Variants in FHIP1A observed in about 807,000 individuals in gnomAD.
FHIP1A encodes the protein FHF complex subunit HOOK-interacting protein 1A.
FHIP1A carries 61 observed loss-of-function variants against 88.6 expected under a neutral mutation model. The ratio of observed to expected loss-of-function variants is 0.69; its 90% confidence interval spans 0.56 to 0.85. FHIP1A has a LOEUF of 0.85. Among genes scored for constraint, FHIP1A ranks in the 40% least tolerant of loss-of-function variants. FHIP1A has a pLI of 0.00. For missense variants in FHIP1A, 1,154 were observed against 1,273.5 expected (o/e 0.91, Z 1.43); for synonymous variants, 478 against 496.0 (o/e 0.96, Z 0.48).
At chr4:151,530,863 T>C (rs779161894) in intron 3 of FHIP1A, among the ~76,000 whole-genome samples, 31 of 152,304 alleles carry the variant, frequency 2.0e-4, no homozygotes, top group Non-Finnish European at 3.5e-4. Flanking sequence ...GCATAGTGCA[T>C]GGCATATGGT....
At chr4:151,550,033 T>C (rs1732664709) in intron 3 of FHIP1A, among the ~76,000 whole-genome samples, 1 of 152,182 alleles carries the variant, frequency 6.6e-6, no homozygotes, top group African/African-American at 2.4e-5. Context: ...GACAGGATGA[T>C]TTTTCTTGTT....
At chr4:151,612,108 C>T (rs141306311) in intron 7 of FHIP1A, among the ~76,000 whole-genome samples, 1 of 152,278 alleles carries the variant, frequency 6.6e-6, no homozygotes. Flanking sequence ...CTTGCTTATG[C>T]TCACATCATG....
intron 3 of FHIP1A, among the ~76,000 whole-genome samples, chr4:151,543,729 T>G (rs996266281): frequency 3.3e-5 from 5 of 152,250 alleles, no homozygotes; most frequent in Non-Finnish European, 5.9e-5. Context: ...TTAAATAATC[T>G]AAGTCACCAT....
chr4:151,423,231 G>A (rs1297307573), intron 1 of FHIP1A, among the ~76,000 whole-genome samples: 1 of 152,052 alleles, frequency 6.6e-6, no homozygotes, highest in Non-Finnish European at 1.5e-5. Flanking sequence ...TAGTCTTCAG[G>A]CTGCCAGTAG....
intron 7 of FHIP1A, among the ~76,000 whole-genome samples, chr4:151,610,022 G>GT (rs1187321838): frequency 2.0e-5 from 3 of 152,214 alleles, no homozygotes; most frequent in Non-Finnish European, 2.9e-5. Context: ...TAGTGAGTAA[G>GT]TTTTTTGTGA....
chr4:151,471,815 T>C (rs1229409935), intron 2 of FHIP1A, among the ~76,000 whole-genome samples: 7 of 152,190 alleles, frequency 4.6e-5, no homozygotes, highest in Admixed American at 2.0e-4. Flanking sequence ...GTCATTCTTA[T>C]GCCTTTGCAT....
chr4:151,630,361 C>T (rs1736110017), intron 8 of FHIP1A, among the ~76,000 whole-genome samples: 1 of 152,124 alleles, frequency 6.6e-6, no homozygotes, highest in Non-Finnish European at 1.5e-5. Flanking sequence ...AAATACTCCT[C>T]CCCAAAGGCT....
intron 9 of FHIP1A, among the ~76,000 whole-genome samples, chr4:151,645,363 T>C (rs950633391): frequency 6.6e-6 from 1 of 152,132 alleles, no homozygotes; most frequent in Non-Finnish European, 1.5e-5. Flanking sequence ...ATGGAATCTT[T>C]CTTTCCTCTC....
intron 7 of FHIP1A, among the ~76,000 whole-genome samples, chr4:151,605,335 G>C (rs993002697): frequency 2.6e-5 from 4 of 152,182 alleles, no homozygotes; most frequent in African/African-American, 9.7e-5. Flanking sequence ...TAGAGGTAGA[G>C]ACATCGAGGT....
In FHIP1A at chr4:151,656,196, C is replaced by A. The variant is rs1737226088; in HGVS notation, c.2552-36C>A. 3 of 1,529,708 alleles carry A rather than the reference C, an allele frequency of 2.0e-6. No homozygotes were observed. The highest frequency in any genetic ancestry group is 2.7e-6 in the Non-Finnish European group (3 of 1,128,768). 94.8% of individuals were successfully genotyped at this position (1,529,708 alleles called of 1,614,324 possible). ...TGTCAGGGAAAGGCATCCCTGTGAGCCCAGCCAGCCCTGAAGCCTTGTGTT... is the reference window on the plus strand; with the variant it reads ...TGTCAGGGAAAGGCATCCCTGTGAGACCAGCCAGCCCTGAAGCCTTGTGTT... On this transcript the variant is annotated intron_variant, in intron 11 of 13. Coordinates refer to ENST00000435205, the MANE Select transcript of FHIP1A (RefSeq NM_001109977.3). The surrounding 1 kb of genome is among the most constrained non-coding windows in gnomAD (Gnocchi z 4.2).
In FHIP1A at chr4:151,665,552, T is replaced by G. The variant is rs1737629807; in HGVS notation, c.*2798T>G. 6.6e-6 allele frequency among the ~76,000 whole-genome samples: 1 copy of G among 152,004 alleles called. No homozygotes were observed. Among genetic ancestry groups the G allele is most frequent in the South Asian group, 2.1e-4 (1 of 4,826 alleles). ...GGTGAAATAACTGAGAGTGGGTTAT[T>G]TAGGGAGTGACGTGGACATGCCAAA... On this transcript the variant is annotated 3_prime_UTR_variant, in exon 14 of 14. Transcript: ENST00000435205.
At position 151,656,309 on chromosome 4, in the gene FHIP1A, G is replaced by A. The variant is rs374875548; in HGVS notation, c.2629G>A (p.Gly877Arg). ...NSLHVNLLLI[G>R]IITQLASYPQ... ...TTTACATGTTAATTTGCTGCTTATC[G>A]GGATCATTACTCAGCTAGCCAGCTA... The change falls in exon 12 of 14, where the codon GGG (glycine) becomes AGG (arginine). Residue 877 changes from glycine (G) to arginine (R), a missense_variant. Transcript: ENST00000435205. This position sits in a 1 kb window ranked among gnomAD's most constrained non-coding sequence, Gnocchi z 4.2. 109 of 1,551,418 alleles carry A rather than the reference G, an allele frequency of 7.0e-5. No individual in the cohort carries two copies. The highest frequency in any genetic ancestry group is 8.9e-5 in the Non-Finnish European group (102 of 1,146,970).
In FHIP1A at chr4:151,506,705, C is replaced by T. The variant is rs1411174437; in HGVS notation, c.-123+24057C>T. ...GGCACCAAGCCCTTCATCAAGGATC[C>T]ACCCTCATGATCCAAGCATCCCCCA... On this transcript the variant is annotated intron_variant, in intron 3 of 13. Transcript: ENST00000435205. 2.6e-5 allele frequency among the ~76,000 whole-genome samples: 4 copies of T among 152,020 alleles called. No individual in the cohort carries two copies. The South Asian group carries it at 6.2e-4, about 24-fold the overall frequency.
At chr4:151,445,868 A>G (rs987867198) in intron 1 of FHIP1A, among the ~76,000 whole-genome samples, 3 of 141,620 alleles carry the variant, frequency 2.1e-5, no homozygotes, top group African/African-American at 5.3e-5. Flanking sequence ...ATATATATAT[A>G]TATATTTCAT....
intron 3 of FHIP1A, among the ~76,000 whole-genome samples, chr4:151,530,112 A>T (rs1580673981): frequency 6.6e-6 from 1 of 152,178 alleles, no homozygotes; most frequent in Non-Finnish European, 1.5e-5. Context: ...TCTGGAGTCA[A>T]TACTGTCCTC....
intron 3 of FHIP1A, among the ~76,000 whole-genome samples, chr4:151,550,634 T>C (rs1012565310): frequency 1.3e-5 from 2 of 152,252 alleles, no homozygotes; most frequent in African/African-American, 4.8e-5. Flanking sequence ...TGAAGGCTTG[T>C]ACCATTTAAA....
intron 3 of FHIP1A, among the ~76,000 whole-genome samples, chr4:151,530,435 G>GGTA (rs1355830717): frequency 6.6e-6 from 1 of 152,122 alleles, no homozygotes; most frequent in African/African-American, 2.4e-5. Context: ...TCCTCAGTTA[G>GGTA]GTACCTTCCT....
At chr4:151,618,537 C>G (rs561167840) in intron 7 of FHIP1A, among the ~76,000 whole-genome samples, 3 of 152,340 alleles carry the variant, frequency 2.0e-5, no homozygotes, top group Admixed American at 1.3e-4. Context: ...AGAGGGTCCT[C>G]TAAGTGTTCC....
At chr4:151,630,980 A>T (rs1736137574) in intron 8 of FHIP1A, among the ~76,000 whole-genome samples, 1 of 152,230 alleles carries the variant, frequency 6.6e-6, no homozygotes, top group Admixed American at 6.5e-5. Context: ...AAATATATCC[A>T]GACTTATGAG....
Sources: gnomAD v4.1 joint callset for allele counts (sites outside exome capture counted in the v4.1 genomes callset) on GRCh38, gnomAD v4.1.1 for gene constraint, Gnocchi (gnomAD v3.1) non-coding constraint, MANE v1.5 for transcripts, NCBI Gene and HGNC (gene_info 2026-07-23, HGNC 2026-07-21) for gene names.